RAB2A: variants seen among roughly 807,000 people sequenced by gnomAD.
The protein encoded by RAB2A is ras-related protein Rab-2A.
Under a neutral mutation model 32.5 loss-of-function variants are expected in RAB2A, and 7 were observed. The ratio of observed to expected loss-of-function variants is 0.22; its 90% confidence interval spans 0.12 to 0.40. The LOEUF (loss-of-function observed/expected upper bound fraction) is 0.40. RAB2A is among the 10% of genes least tolerant of loss of function. RAB2A has a pLI of 1.00. For missense variants in RAB2A, 108 were observed against 260.7 expected (o/e 0.41, Z 4.03); for synonymous variants, 79 against 85.2 (o/e 0.93, Z 0.40).
At chr8:60,575,115 T>C (rs77985390) in intron 3 of RAB2A, among the ~76,000 whole-genome samples, 18,945 of 144,994 alleles carry the variant, frequency 0.13, 1,124 homozygotes, top group East Asian at 0.23. Context: ...TTTTTTGGTT[T>C]TGAGACAGCG....
intron 6 of RAB2A, among the ~76,000 whole-genome samples, chr8:60,603,437 G>A (rs1279750052): frequency 6.6e-6 from 1 of 152,090 alleles, no homozygotes; most frequent in Admixed American, 6.5e-5. Context: ...TGTTGTTGCT[G>A]GAAATAAGTT....
chr8:60,568,319 A>G lies in RAB2A; in HGVS notation c.119-3727A>G, dbSNP rs577055445. ...GGAGCCACATTCTGCCTCTGCACAT[A>G]TCTGTACCAGTGATTACCTGGCTCT... is the stretch of plus-strand genomic sequence containing the variant. On this transcript the variant is annotated intron_variant, in intron 2 of 7. Transcript: ENST00000262646. 3.7e-4 allele frequency among the ~76,000 whole-genome samples: 57 copies of G among 152,236 alleles called. 1 individual carries two copies. In the South Asian group the frequency reaches 0.012, roughly 31 times the overall value.
chr8:60,590,124 G>A (rs532164825), intron 5 of RAB2A, among the ~76,000 whole-genome samples: 5 of 152,028 alleles, frequency 3.3e-5, no homozygotes, highest in African/African-American at 1.2e-4. Context: ...ATCATACCCA[G>A]CTAATTTTTG....
At chr8:60,571,775 G>T (rs148078777) in intron 2 of RAB2A, among the ~76,000 whole-genome samples, 5 of 151,680 alleles carry the variant, frequency 3.3e-5, no homozygotes, top group African/African-American at 1.2e-4. Flanking sequence ...ATGTTACTGA[G>T]CCTGCAAAAC....
intron 2 of RAB2A, among the ~76,000 whole-genome samples, chr8:60,564,793 G>T (rs1402241466): frequency 6.6e-6 from 1 of 152,060 alleles, no homozygotes; most frequent in Admixed American, 6.5e-5. Context: ...AAAAAGTAAG[G>T]TCCATGACAG....
At chr8:60,608,290 G>A (rs925883350) in intron 6 of RAB2A, among the ~76,000 whole-genome samples, 4 of 151,968 alleles carry the variant, frequency 2.6e-5, no homozygotes, top group African/African-American at 7.3e-5. Flanking sequence ...CTGTATAGGC[G>A]CCCAAAAAGC....
intron 1 of RAB2A, among the ~76,000 whole-genome samples, chr8:60,550,175 A>G (rs981615599): frequency 1.4e-4 from 21 of 152,136 alleles, no homozygotes; most frequent in African/African-American, 5.1e-4. Flanking sequence ...CTCTACCTAC[A>G]TCTCCCATCT....
chr8:60,545,278 G>A (rs1807710617), intron 1 of RAB2A, among the ~76,000 whole-genome samples: 1 of 152,106 alleles, frequency 6.6e-6, no homozygotes, highest in African/African-American at 2.4e-5. Flanking sequence ...TAAGTCTCTG[G>A]GATGGGGCTT....
At chr8:60,584,893 T>A (rs1255793058) in intron 5 of RAB2A, 78 bp downstream of exon 5, 1 of 1,054,272 alleles carries the variant, frequency 9.5e-7, no homozygotes, top group Non-Finnish European at 1.3e-6. Flanking sequence ...TCCTTAACAT[T>A]TGTTCAAATG....
At chr8:60,527,658 T>G (rs1205702890) in intron 1 of RAB2A, among the ~76,000 whole-genome samples, 3 of 152,182 alleles carry the variant, frequency 2.0e-5, no homozygotes, top group African/African-American at 7.2e-5. Flanking sequence ...TAGACTTCTT[T>G]GAAGTGGTCA....
chr8:60,605,558 G>A lies in RAB2A; in HGVS notation c.475-13022G>A, dbSNP rs1467176948. 5.3e-5 allele frequency among the ~76,000 whole-genome samples: 8 copies of A among 152,324 alleles called. No individual in the cohort carries two copies. In the South Asian group the frequency reaches 1.4e-3, roughly 28 times the overall value. ...AGTGGTGGGGTCTGAACCCTGCAAA[G>A]CCACAGTGGTGGAGCTGCCCAAGGC... On this transcript the variant is annotated intron_variant, in intron 6 of 7. Coordinates refer to ENST00000262646, the MANE Select transcript of RAB2A (RefSeq NM_002865.3).
intron 1 of RAB2A, among the ~76,000 whole-genome samples, chr8:60,543,469 C>G (rs1044264460): frequency 1.3e-5 from 2 of 152,144 alleles, no homozygotes; most frequent in Admixed American, 1.3e-4. Context: ...TCCCCTGTGT[C>G]TTTGTCTCCT....
chr8:60,596,068 C>T (rs999467231), intron 6 of RAB2A, among the ~76,000 whole-genome samples: 3 of 152,132 alleles, frequency 2.0e-5, no homozygotes, highest in East Asian at 1.9e-4. Context: ...AACAGTGTTA[C>T]GAGAGGGAAA....
chr8:60,569,849 C>T, intron 2 of RAB2A: 1 of 400,414 alleles, frequency 2.5e-6, no homozygotes, highest in South Asian at 1.8e-5. Flanking sequence ...GACGAACATA[C>T]TAAAACCCAA....
At chr8:60,538,244 C>T (rs1373464806) in intron 1 of RAB2A, among the ~76,000 whole-genome samples, 1 of 152,188 alleles carries the variant, frequency 6.6e-6, no homozygotes. Flanking sequence ...TGAAGACAAA[C>T]TATGTCTTTC....
chr8:60,617,039 T>C (rs2150439283), intron 6 of RAB2A, among the ~76,000 whole-genome samples: 1 of 152,336 alleles, frequency 6.6e-6, no homozygotes, highest in Middle Eastern at 3.4e-3. Flanking sequence ...GGTAATGGAG[T>C]ATAGCTTTCT....
intron 1 of RAB2A, among the ~76,000 whole-genome samples, chr8:60,532,669 G>A (rs1807495249): frequency 6.6e-6 from 1 of 152,100 alleles, no homozygotes; most frequent in Non-Finnish European, 1.5e-5. Context: ...TGCCAGCACA[G>A]CCGGCTATTT....
At chr8:60,557,416 T>C (rs1343165180) in intron 1 of RAB2A, among the ~76,000 whole-genome samples, 1 of 152,142 alleles carries the variant, frequency 6.6e-6, no homozygotes, top group Non-Finnish European at 1.5e-5. Flanking sequence ...CTTGGGAGGC[T>C]GAGGCAGGAG....
chr8:60,531,425 G>A (rs1807474494), intron 1 of RAB2A, among the ~76,000 whole-genome samples: 1 of 152,176 alleles, frequency 6.6e-6, no homozygotes, highest in Non-Finnish European at 1.5e-5. Flanking sequence ...GCAATGCCTG[G>A]ATTATCTATA....
Sources: allele counts gnomAD v4.1 joint callset (sites outside exome capture counted in the v4.1 genomes callset), GRCh38; gene constraint gnomAD v4.1.1; transcripts MANE v1.5; gene names NCBI Gene and HGNC (gene_info 2026-07-23, HGNC 2026-07-21).